TRPM7: variants seen among roughly 807,000 people sequenced by gnomAD.
TRPM7 encodes LTRPC ion channel family member 7.
A neutral mutation model predicts 229.7 loss-of-function variants in TRPM7; 134 were observed. The ratio of observed to expected loss-of-function variants is 0.58; its 90% confidence interval spans 0.51 to 0.67. The LOEUF (loss-of-function observed/expected upper bound fraction) is 0.67. Ranked by LOEUF, TRPM7 falls within the 30% of genes least tolerant of loss-of-function variation. TRPM7 has a pLI of 0.00. For synonymous variants in TRPM7, 699 were observed against 715.2 expected, an observed-to-expected ratio of 0.98 and a Z score of 0.36; for missense variants, 1,901 against 2,210.0, an observed-to-expected ratio of 0.86 and a Z score of 2.80.
At chr15:50,570,594 G>T (rs1349710644) in intron 36 of TRPM7, among the ~76,000 whole-genome samples, 1 of 150,190 alleles carries the variant, frequency 6.7e-6, no homozygotes, top group Non-Finnish European at 1.5e-5. Context: ...TGTAATCCCA[G>T]CACTTTGGGC....
chr15:50,637,456 A>G lies in TRPM7; in HGVS notation c.798T>C (p.Leu266=), dbSNP rs766950806. The change falls in exon 7 of 39, where the codon CTT becomes CTC. Residue 266 remains leucine (L), a synonymous_variant. Transcript: ENST00000646667. ...TTCTTTGCTGATTAATAGTTTTTTC[A>G]AGTTCTCTTCTCAGTCTGACTTCCG... ...YGAEVRLRRE[L]EKTINQQRIH... 6.2e-7 allele frequency: 1 copy of G among 1,610,450 alleles called. No individual in the cohort carries two copies. Among genetic ancestry groups the G allele is most frequent in the African/African-American group, 1.3e-5 (1 of 74,822 alleles).
intron 10 of TRPM7, among the ~76,000 whole-genome samples, chr15:50,630,277 T>TA (rs2060693485): frequency 1.3e-5 from 2 of 151,986 alleles, no homozygotes; most frequent in Non-Finnish European, 2.9e-5. Flanking sequence ...AAATATATTT[T>TA]ATCACAGTAT....
chr15:50,631,335 C>A, intron 10 of TRPM7, 82 bp downstream of exon 10: 1 of 641,534 alleles, frequency 1.6e-6, no homozygotes, highest in Non-Finnish European at 2.5e-6. Context: ...ATTTTATATA[C>A]ATACACATAT....
intron 29 of TRPM7, chr15:50,582,603 A>C (rs1309093733): frequency 1.3e-5 from 2 of 152,422 alleles, no homozygotes; most frequent in East Asian, 1.9e-4. Flanking sequence ...TTCCCCACTG[A>C]AATAACTTTT....
chr15:50,559,217 A>C lies in TRPM7; in HGVS notation c.*2461T>G, dbSNP rs1456390429. On this transcript the variant is annotated 3_prime_UTR_variant, in exon 39 of 39. Transcript: ENST00000646667. ...CAGGCACTCACCGCCATGCCCAGCT[A>C]ATTTTTTGTATTTTTAGTAGAGACG... is the stretch of plus-strand genomic sequence containing the variant. 6.6e-6 allele frequency: 1 copy of C among 152,130 alleles called. No individual in the cohort carries two copies. Among genetic ancestry groups the C allele is most frequent in the African/African-American group, 2.4e-5 (1 of 41,402 alleles). The allele number at this position is 152,130 out of a possible 1,614,324, so 9.4% of individuals were successfully genotyped here.
intron 1 of TRPM7, among the ~76,000 whole-genome samples, chr15:50,683,753 AAAC>A (rs1352153444): frequency 6.6e-6 from 1 of 152,172 alleles, no homozygotes; most frequent in African/African-American, 2.4e-5. Context: ...ACAACAAAAA[AAAC>A]AAGTGCAAGA....
At chr15:50,660,216 T>A (rs1596325395) in intron 2 of TRPM7, among the ~76,000 whole-genome samples, 1 of 152,088 alleles carries the variant, frequency 6.6e-6, no homozygotes, top group African/African-American at 2.4e-5. Flanking sequence ...GGAAGAGATG[T>A]TAAGGTTATC....
At chr15:50,601,418 C>T (rs1017728411) in intron 21 of TRPM7, among the ~76,000 whole-genome samples, 11 of 152,142 alleles carry the variant, frequency 7.2e-5, no homozygotes, top group East Asian at 1.9e-4. Flanking sequence ...CCGAGGCAGG[C>T]GGATCACAAG....
rs1461870704 is a variant in TRPM7, at chr15:50,560,984, A to C, written c.*694T>G. 6.6e-6 allele frequency: 1 copy of C among 152,536 alleles called. No homozygotes were observed. Among genetic ancestry groups the C allele is most frequent in the African/African-American group, 2.4e-5 (1 of 41,422 alleles). The allele number at this position is 152,536 out of a possible 1,614,324, so 9.4% of individuals were successfully genotyped here. Reference sequence around the variant, plus strand: ...CTTCTACTTAACAGTGACTTGATAAAACAATGTTTAAAAAACCCAATTAAC... The same window carrying C: ...CTTCTACTTAACAGTGACTTGATAACACAATGTTTAAAAAACCCAATTAAC... On this transcript the variant is annotated 3_prime_UTR_variant, in exon 39 of 39. Coordinates refer to ENST00000646667, the MANE Select transcript of TRPM7 (RefSeq NM_017672.6).
intron 29 of TRPM7, among the ~76,000 whole-genome samples, chr15:50,581,814 G>C (rs1255810024): frequency 1.3e-5 from 2 of 151,606 alleles, no homozygotes; most frequent in African/African-American, 4.8e-5. Context: ...CTCAAGGCCA[G>C]TTAGATATGT....
chr15:50,643,397 G>C lies in TRPM7; in HGVS notation c.478C>G (p.Leu160Val), dbSNP rs2140781632. 2 of 1,614,134 alleles carry C rather than the reference G, an allele frequency of 1.2e-6. No individual in the cohort carries two copies. Among genetic ancestry groups the C allele is most frequent in the Non-Finnish European group, 1.7e-6 (2 of 1,180,026 alleles). Residue 160 changes from leucine (L) to valine (V), a missense_variant, in exon 5 of 39, where the codon CTT becomes GTT. Transcript: ENST00000646667. ...CCAGTTGTAACTGCAGCTTTAATAAGACCTTTTCCAAGCAACTGCTTGATT... is the reference window on the plus strand; with the variant it reads ...CCAGTTGTAACTGCAGCTTTAATAACACCTTTTCCAAGCAACTGCTTGATT... ...PRIKQLLGKG[L>V]IKAAVTTGAW...
chr15:50,626,837 TAA>T (rs1440744438), intron 11 of TRPM7, among the ~76,000 whole-genome samples: 1 of 151,794 alleles, frequency 6.6e-6, no homozygotes, highest in East Asian at 1.9e-4. Context: ...TGGTATAAAA[TAA>T]AACTTTCCTT....
chr15:50,683,315 T>C (rs764744941), intron 1 of TRPM7, among the ~76,000 whole-genome samples: 1 of 151,514 alleles, frequency 6.6e-6, no homozygotes, highest in Non-Finnish European at 1.5e-5. Context: ...AATGAAATAA[T>C]AGATCAATGA....
intron 22 of TRPM7, among the ~76,000 whole-genome samples, chr15:50,597,226 T>G (rs1362491510): frequency 6.6e-6 from 1 of 152,200 alleles, no homozygotes; most frequent in Admixed American, 6.5e-5. Context: ...AGAACATAGC[T>G]AATTACAAAC....
intron 1 of TRPM7, among the ~76,000 whole-genome samples, chr15:50,663,862 C>T (rs1172099052): frequency 1.3e-5 from 2 of 152,116 alleles, no homozygotes; most frequent in Non-Finnish European, 2.9e-5. Context: ...ACTTGGAAGT[C>T]TGAGGCAGGA....
chr15:50,678,456 C>T (rs2062149971), intron 1 of TRPM7, among the ~76,000 whole-genome samples: 1 of 148,544 alleles, frequency 6.7e-6, no homozygotes, highest in African/African-American at 2.5e-5. Context: ...GAGTTCAATA[C>T]ATTTGACTTT....
At chr15:50,661,311 A>G (rs2061715995) in intron 2 of TRPM7, among the ~76,000 whole-genome samples, 1 of 152,196 alleles carries the variant, frequency 6.6e-6, no homozygotes, top group Non-Finnish European at 1.5e-5. Context: ...CTGTAGTATG[A>G]AAAGCAGGTA....
intron 1 of TRPM7, among the ~76,000 whole-genome samples, chr15:50,679,531 TA>T (rs1567129452): frequency 0.014 from 762 of 53,282 alleles, 30 homozygotes; most frequent in African/African-American, 0.052. Context: ...TATATATATA[TA>T]TATATATTTT....
Position 50,686,590 on chromosome 15 carries a change from G to A in TRPM7, c.-57C>T. The A allele has an allele frequency of 1.2e-6, 2 of 1,602,446 alleles. No homozygotes were observed. The highest frequency in any genetic ancestry group is 1.7e-6 in the Non-Finnish European group (2 of 1,174,082). Reference sequence around the variant, plus strand: ...CAACTCCACCTCCTCCTCCTCCGCGGCCTGTAGCCATCTATCGGGAAGCGT... The same window carrying A: ...CAACTCCACCTCCTCCTCCTCCGCGACCTGTAGCCATCTATCGGGAAGCGT... On this transcript the variant is annotated 5_prime_UTR_variant, in exon 1 of 39. Transcript: ENST00000646667.
Sources: gnomAD v4.1 joint callset for allele counts (sites outside exome capture counted in the v4.1 genomes callset) on GRCh38, gnomAD v4.1.1 for gene constraint, MANE v1.5 for transcripts, NCBI Gene and HGNC (gene_info 2026-07-23, HGNC 2026-07-21) for gene names.